Variants in SHISA9 observed in about 807,000 individuals in gnomAD.
SHISA9 encodes protein shisa-9.
In SHISA9, 13 loss-of-function variants were observed where a neutral mutation model predicts 38.0. That is an observed-to-expected ratio of 0.34 (90% CI 0.22 to 0.54). SHISA9 has a LOEUF of 0.54. Ranked by LOEUF, SHISA9 falls within the 20% of genes least tolerant of loss-of-function variation. The pLI, the probability that SHISA9 is intolerant of heterozygous loss-of-function variation, is 0.91. For synonymous variants in SHISA9, 275 were observed against 242.0 expected, an observed-to-expected ratio of 1.14 and a Z score of -1.27; for missense variants, 538 against 575.8, an observed-to-expected ratio of 0.93 and a Z score of 0.67.
At chr16:13,065,724 A>G (rs1400891162) in intron 2 of SHISA9, among the ~76,000 whole-genome samples, 1 of 152,248 alleles carries the variant, frequency 6.6e-6, no homozygotes, top group Non-Finnish European at 1.5e-5. Flanking sequence ...TTTCCGAACC[A>G]AGGTGTAAGT....
intron 2 of SHISA9, among the ~76,000 whole-genome samples, chr16:13,010,116 T>C (rs1195575512): frequency 6.6e-6 from 1 of 152,150 alleles, no homozygotes; most frequent in Non-Finnish European, 1.5e-5. Flanking sequence ...AGGTTGAGAC[T>C]GCAGTGACCT....
At chr16:13,250,739 T>C in the SHISA9 span, among the ~76,000 whole-genome samples, 2 of 152,116 alleles carry the variant, frequency 1.3e-5, no homozygotes, top group Non-Finnish European at 2.9e-5. Flanking sequence ...AGATCTATAT[T>C]TGGGGCCCTG....
At chr16:13,517,235 A>T in the SHISA9 span, among the ~76,000 whole-genome samples, 1 of 152,170 alleles carries the variant, frequency 6.6e-6, no homozygotes, top group Non-Finnish European at 1.5e-5. Flanking sequence ...TAACCATCGG[A>T]AGCTAAGAGA....
chr16:13,203,604 G>T, intron 3 of SHISA9, 55 bp downstream of exon 3: 3 of 1,392,136 alleles, frequency 2.2e-6, no homozygotes, highest in Non-Finnish European at 2.8e-6. Context: ...CTCCTTTGCT[G>T]CTTCTTGTAG....
the SHISA9 span, among the ~76,000 whole-genome samples, chr16:13,264,226 G>T: frequency 6.7e-6 from 1 of 148,782 alleles, no homozygotes; most frequent in Non-Finnish European, 1.5e-5. Flanking sequence ...CCAGGTTGGA[G>T]TTCAGTGGCA....
the SHISA9 span, among the ~76,000 whole-genome samples, chr16:13,522,740 T>G: frequency 2.0e-5 from 3 of 152,210 alleles, no homozygotes; most frequent in African/African-American, 7.2e-5. Flanking sequence ...ATGTCTTCCC[T>G]GATGCTAATA....
intron 2 of SHISA9, among the ~76,000 whole-genome samples, chr16:12,961,904 C>A (rs1240936796): frequency 6.6e-6 from 1 of 152,190 alleles, no homozygotes; most frequent in Non-Finnish European, 1.5e-5. Context: ...GGGAGTCACA[C>A]CTTCCAGTCT....
the SHISA9 span, among the ~76,000 whole-genome samples, chr16:13,378,455 C>T: frequency 6.6e-6 from 1 of 152,106 alleles, no homozygotes; most frequent in African/African-American, 2.4e-5. Flanking sequence ...TGTTATAAAC[C>T]CTGCCTGCGT....
the SHISA9 span, among the ~76,000 whole-genome samples, chr16:13,368,242 T>G: frequency 6.6e-6 from 1 of 152,138 alleles, no homozygotes; most frequent in Non-Finnish European, 1.5e-5. Context: ...TTTCAACCCT[T>G]GGAGAGCTAG....
chr16:13,095,929 C>A (rs1023381721), intron 2 of SHISA9, among the ~76,000 whole-genome samples: 2 of 152,170 alleles, frequency 1.3e-5, no homozygotes, highest in African/African-American at 2.4e-5. Context: ...TGGGGCAGGG[C>A]CCGAGAATTT....
At chr16:13,280,059 G>A in the SHISA9 span, among the ~76,000 whole-genome samples, 1 of 149,104 alleles carries the variant, frequency 6.7e-6, no homozygotes, top group African/African-American at 2.5e-5. Flanking sequence ...TGGGATCAGA[G>A]TAGTGATGCT....
chr16:13,450,328 G>T, the SHISA9 span, among the ~76,000 whole-genome samples: 5 of 152,164 alleles, frequency 3.3e-5, no homozygotes, highest in African/African-American at 4.8e-5. Flanking sequence ...AAGGTCTAAG[G>T]CATGGTGAGC....
At chr16:13,452,611 G>T in the SHISA9 span, among the ~76,000 whole-genome samples, 13 of 152,154 alleles carry the variant, frequency 8.5e-5, no homozygotes, top group Non-Finnish European at 1.6e-4. Context: ...TACTACTTTG[G>T]GCAAGGGTTA....
the SHISA9 span, among the ~76,000 whole-genome samples, chr16:13,437,197 T>C: frequency 6.6e-6 from 1 of 151,978 alleles, no homozygotes; most frequent in Non-Finnish European, 1.5e-5. Context: ...GATTTTCAAG[T>C]TTTTACTCAA....
the SHISA9 span, among the ~76,000 whole-genome samples, chr16:13,359,782 C>A: frequency 6.6e-6 from 1 of 152,192 alleles, no homozygotes; most frequent in African/African-American, 2.4e-5. Flanking sequence ...AGCAGGTTCA[C>A]TGTGCACGGG....
chr16:12,927,794 A>G (rs1048645501), intron 2 of SHISA9, among the ~76,000 whole-genome samples: 2 of 152,114 alleles, frequency 1.3e-5, no homozygotes, highest in Admixed American at 6.5e-5. Flanking sequence ...GTGCTGAACC[A>G]CACCATGGAG....
intron 2 of SHISA9, among the ~76,000 whole-genome samples, chr16:13,146,976 G>T (rs750423167): frequency 6.6e-6 from 1 of 152,064 alleles, no homozygotes; most frequent in East Asian, 1.9e-4. Flanking sequence ...ATGATCCACT[G>T]GAATCTATCA....
downstream of SHISA9, among the ~76,000 whole-genome samples, chr16:13,242,188 G>A (rs1024232270): frequency 3.3e-5 from 5 of 152,178 alleles, no homozygotes; most frequent in African/African-American, 1.2e-4. Flanking sequence ...CTAGTAAGTG[G>A]TAGAACTGGG....
At chr16:13,131,524 T>C (rs1348658517) in intron 2 of SHISA9, among the ~76,000 whole-genome samples, 1 of 152,080 alleles carries the variant, frequency 6.6e-6, no homozygotes, top group Non-Finnish European at 1.5e-5. Context: ...CTGGGGTTAA[T>C]ACCAAGGTGA....
Sources: allele counts gnomAD v4.1 joint callset (sites outside exome capture counted in the v4.1 genomes callset), GRCh38; gene constraint gnomAD v4.1.1; transcripts MANE v1.5; gene names NCBI Gene and HGNC (gene_info 2026-07-23, HGNC 2026-07-21).